ADAMTSL1: variants seen among roughly 807,000 people sequenced by gnomAD.
ADAMTSL1 encodes ADAMTS-like protein 1.
ADAMTSL1 carries 126 observed loss-of-function variants against 201.8 expected under a neutral mutation model. The ratio of observed to expected loss-of-function variants is 0.62; its 90% CI spans 0.54 to 0.72. The LOEUF is 0.72. Ranked by LOEUF, ADAMTSL1 falls within the 30% of genes least tolerant of loss-of-function variation. The probability of loss-of-function intolerance (pLI) is 0.00; values close to 1 mark genes in which losing one functional copy is unlikely to be tolerated. For synonymous variants in ADAMTSL1, 1,121 were observed against 903.4 expected, an observed-to-expected ratio of 1.24 and a Z score of -4.32; for missense variants, 2,679 against 2,277.8, an observed-to-expected ratio of 1.18 and a Z score of -3.59.
rs774538087 is a variant in ADAMTSL1, at chr9:18,826,476, A to C, written c.4114+13A>C. On this transcript the variant is annotated intron_variant, in intron 22 of 28. Transcript: ENST00000380548. ...CTGCTGATCCTAGGTAAACACTTCA[A>C]AGCTGGCTGCCTCTGCTGCACCCTG... 5 of 1,607,226 alleles carry C rather than the reference A, an allele frequency of 3.1e-6. No individual in the cohort carries two copies. The highest frequency in any genetic ancestry group is 4.2e-6 in the Non-Finnish European group (5 of 1,176,840).
At chr9:18,850,754 T>C (rs1466430943) in intron 23 of ADAMTSL1, among the ~76,000 whole-genome samples, 1 of 152,246 alleles carries the variant, frequency 6.6e-6, no homozygotes, top group Non-Finnish European at 1.5e-5. Context: ...CCTACCGTTT[T>C]ATTAACTTAC....
At chr9:18,095,416 CTT>C (rs35164794) in intron 1 of ADAMTSL1, among the ~76,000 whole-genome samples, 79 of 100,100 alleles carry the variant, frequency 7.9e-4, no homozygotes, top group South Asian at 2.1e-3. Flanking sequence ...TTCTTTCTTT[CTT>C]TTTTTTTTTT....
intron 1 of ADAMTSL1, among the ~76,000 whole-genome samples, chr9:17,988,059 C>T (rs1818997223): frequency 6.6e-6 from 1 of 151,904 alleles, no homozygotes; most frequent in Non-Finnish European, 1.5e-5. Flanking sequence ...ATTTGTGTTG[C>T]CTGGTGTTGA....
intron 2 of ADAMTSL1, among the ~76,000 whole-genome samples, chr9:18,225,347 C>CTCG (rs755990788): frequency 6.6e-6 from 1 of 152,116 alleles, no homozygotes; most frequent in Non-Finnish European, 1.5e-5. Flanking sequence ...TAAAAGTGCA[C>CTCG]TCGTGGAGAT....
intron 1 of ADAMTSL1, among the ~76,000 whole-genome samples, chr9:18,071,459 C>T (rs1563982299): frequency 6.6e-6 from 1 of 152,166 alleles, no homozygotes; most frequent in African/African-American, 2.4e-5. Flanking sequence ...GTTCAGAATT[C>T]AGTTAAAAGA....
At chr9:18,035,008 C>T (rs1821130850) in intron 1 of ADAMTSL1, among the ~76,000 whole-genome samples, 1 of 152,114 alleles carries the variant, frequency 6.6e-6, no homozygotes, top group Non-Finnish European at 1.5e-5. Flanking sequence ...TTATGATTGT[C>T]TCAGGTTTGA....
intron 2 of ADAMTSL1, among the ~76,000 whole-genome samples, chr9:18,272,836 G>A (rs940314440): frequency 6.6e-6 from 1 of 152,240 alleles, no homozygotes; most frequent in East Asian, 1.9e-4. Context: ...GTACTAAAGA[G>A]ATCATTTCTT....
rs75150938 is a variant in ADAMTSL1 at position 18,490,014 on chromosome 9, G to C, written c.64-14815G>C. On this transcript the variant is annotated intron_variant, in intron 1 of 28. Transcript: ENST00000380548. The stretch of plus-strand genomic sequence containing the variant: ...AACTGTAAAACCTTAGTCATCTCGT[G>C]CTCAAAAGCCTTCACTGTCTCCAGC... Among the ~76,000 whole-genome samples, 904 of 152,306 alleles carry C rather than the reference G, an allele frequency of 5.9e-3. 7 individuals are homozygous for C. The highest frequency in any genetic ancestry group is 0.021 in the African/African-American group (856 of 41,578).
intron 2 of ADAMTSL1, among the ~76,000 whole-genome samples, chr9:18,363,889 T>C (rs917254663): frequency 6.6e-6 from 1 of 151,464 alleles, no homozygotes; most frequent in African/African-American, 2.4e-5. Flanking sequence ...CTAGAAACCC[T>C]TGATAGAGGA....
intron 2 of ADAMTSL1, among the ~76,000 whole-genome samples, chr9:18,186,559 T>C (rs1342297934): frequency 6.6e-6 from 1 of 152,168 alleles, no homozygotes; most frequent in African/African-American, 2.4e-5. Flanking sequence ...AAGTAGACTT[T>C]GCATTTCAGT....
At chr9:18,856,460 A>ATTTTTTTTTTTTTTT (rs398010404) in intron 23 of ADAMTSL1, among the ~76,000 whole-genome samples, 1 of 112,014 alleles carries the variant, frequency 8.9e-6, no homozygotes, top group African/African-American at 3.4e-5. Context: ...GATAAGAAGG[A>ATTTTTTTTTTTTTTT]TTTTTTTTTT....
chr9:18,473,321 C>T (rs1171323846), upstream of ADAMTSL1, among the ~76,000 whole-genome samples: 1 of 152,210 alleles, frequency 6.6e-6, no homozygotes, highest in African/African-American at 2.4e-5. Flanking sequence ...CAAAACCAGG[C>T]TGCTCCTCAA....
chr9:17,976,097 G>A (rs1818434574), intron 1 of ADAMTSL1, among the ~76,000 whole-genome samples: 1 of 152,014 alleles, frequency 6.6e-6, no homozygotes, highest in Non-Finnish European at 1.5e-5. Flanking sequence ...CTATTTTTAT[G>A]TGAGTACCAT....
intron 1 of ADAMTSL1, among the ~76,000 whole-genome samples, chr9:18,014,964 C>G (rs911604551): frequency 6.6e-6 from 1 of 152,018 alleles, no homozygotes; most frequent in South Asian, 2.1e-4. Context: ...AAGTTAATCT[C>G]GGCTGTAGAC....
At chr9:18,386,628 G>T (rs938838276) in intron 2 of ADAMTSL1, among the ~76,000 whole-genome samples, 2 of 152,046 alleles carry the variant, frequency 1.3e-5, no homozygotes. Context: ...ATCCAAATTT[G>T]CTTTTATTCC....
intron 2 of ADAMTSL1, among the ~76,000 whole-genome samples, chr9:18,233,740 G>GC (rs2132419063): frequency 6.6e-6 from 1 of 152,328 alleles, no homozygotes; most frequent in South Asian, 2.1e-4. Context: ...TGTGGGCATT[G>GC]CCAGAAGCAC....
At chr9:18,818,074 C>G (rs191235200) in intron 21 of ADAMTSL1, among the ~76,000 whole-genome samples, 1 of 152,238 alleles carries the variant, frequency 6.6e-6, no homozygotes, top group East Asian at 1.9e-4. Context: ...CAGAAAACAC[C>G]TACATATAGC....
At chr9:18,442,664 A>C (rs917001787) in intron 2 of ADAMTSL1, among the ~76,000 whole-genome samples, 1 of 152,222 alleles carries the variant, frequency 6.6e-6, no homozygotes, top group Non-Finnish European at 1.5e-5. Context: ...GGATTTCACA[A>C]TTAGTTGAGT....
chr9:18,457,433 G>A (rs557544737), intron 2 of ADAMTSL1, among the ~76,000 whole-genome samples: 5 of 152,266 alleles, frequency 3.3e-5, no homozygotes, highest in African/African-American at 1.2e-4. Context: ...CTAGGCTCCA[G>A]GGATCCTCCC....
Sources: allele counts gnomAD v4.1 joint callset (sites outside exome capture counted in the v4.1 genomes callset), GRCh38; gene constraint gnomAD v4.1.1; transcripts MANE v1.5; gene names NCBI Gene and HGNC (gene_info 2026-07-23, HGNC 2026-07-21).